Variants in NEGR1 observed in about 807,000 individuals in gnomAD.
NEGR1 encodes IgLON family member 4.
A neutral mutation model predicts 40.9 loss-of-function variants in NEGR1; 10 were observed. The ratio of observed to expected loss-of-function variants is 0.24; its 90% CI spans 0.15 to 0.42. The LOEUF (loss-of-function observed/expected upper bound fraction) is 0.42. Among genes scored for constraint, NEGR1 ranks in the 10% least tolerant of loss-of-function variants. NEGR1 has a pLI of 1.00. For missense variants in NEGR1, 352 were observed against 438.9 expected, an observed-to-expected ratio of 0.80 and a Z score of 1.77; for synonymous variants, 185 against 166.8, an observed-to-expected ratio of 1.11 and a Z score of -0.84.
intron 1 of NEGR1, among the ~76,000 whole-genome samples, chr1:72,105,037 T>G (rs897043709): frequency 6.6e-6 from 1 of 152,126 alleles, no homozygotes; most frequent in African/African-American, 2.4e-5. Context: ...GTTGGAAGAC[T>G]TTTTTCTGTA....
At chr1:72,274,727 G>T (rs1655979027) in intron 1 of NEGR1, 1 of 1,044,382 alleles carries the variant, frequency 9.6e-7, no homozygotes, top group Non-Finnish European at 1.5e-6. Flanking sequence ...AAAGTAATTG[G>T]AGTAAAATCG....
At chr1:72,030,031 G>GA (rs5775101) in intron 1 of NEGR1, among the ~76,000 whole-genome samples, 147,136 of 150,466 alleles carry the variant, frequency 0.98, 72,001 homozygotes, top group East Asian at 1. Context: ...AGTGAAATAT[G>GA]AAAAAAAAAA....
chr1:71,755,769 G>A (rs1336618853), intron 3 of NEGR1, among the ~76,000 whole-genome samples: 2 of 151,990 alleles, frequency 1.3e-5, no homozygotes, highest in Non-Finnish European at 2.9e-5. Context: ...TTCATATTAT[G>A]TCTCTTCTGG....
chr1:71,824,969 G>C (rs1179027207), intron 2 of NEGR1, among the ~76,000 whole-genome samples: 1 of 151,836 alleles, frequency 6.6e-6, no homozygotes, highest in Non-Finnish European at 1.5e-5. Flanking sequence ...TGTTATTCAT[G>C]TACAAGTTTT....
At chr1:71,450,401 C>A (rs773920671) in intron 6 of NEGR1, among the ~76,000 whole-genome samples, 1 of 152,132 alleles carries the variant, frequency 6.6e-6, no homozygotes, top group Non-Finnish European at 1.5e-5. Flanking sequence ...TCATTTAAAT[C>A]GTAAATACTA....
At chr1:71,913,265 C>T (rs981694528) in intron 2 of NEGR1, among the ~76,000 whole-genome samples, 1 of 152,084 alleles carries the variant, frequency 6.6e-6, no homozygotes, top group African/African-American at 2.4e-5. Context: ...CAGGCGCCTG[C>T]CACCACGCCC....
intron 1 of NEGR1, among the ~76,000 whole-genome samples, chr1:72,071,963 TCCAAA>T (rs1647480585): frequency 6.6e-6 from 1 of 152,132 alleles, no homozygotes; most frequent in Admixed American, 6.6e-5. Context: ...TTAGAAAAAG[TCCAAA>T]CTCCTCAGTT....
At chr1:71,896,629 C>G (rs1660981896) in intron 2 of NEGR1, among the ~76,000 whole-genome samples, 1 of 152,110 alleles carries the variant, frequency 6.6e-6, no homozygotes, top group East Asian at 1.9e-4. Context: ...AAGCTAAGGT[C>G]CTGAAGACAT....
intron 1 of NEGR1, among the ~76,000 whole-genome samples, chr1:71,942,996 ATGTGTG>A (rs58716136): frequency 2.2e-5 from 3 of 134,926 alleles, no homozygotes; most frequent in Admixed American, 7.8e-5. Context: ...GTGTATATAT[ATGTGTG>A]TGTATATATA....
intron 2 of NEGR1, among the ~76,000 whole-genome samples, chr1:71,896,559 T>A (rs1341559445): frequency 6.6e-6 from 1 of 152,176 alleles, no homozygotes; most frequent in Non-Finnish European, 1.5e-5. Flanking sequence ...TTAAGTTTAA[T>A]TTATCTATTT....
intron 2 of NEGR1, among the ~76,000 whole-genome samples, chr1:71,836,137 A>G (rs756285633): frequency 2.8e-4 from 42 of 151,814 alleles, no homozygotes; most frequent in Non-Finnish European, 4.6e-4. Context: ...AGTTAAACCC[A>G]AATAGACAAA....
At chr1:72,215,069 C>A (rs761526727) in intron 1 of NEGR1, among the ~76,000 whole-genome samples, 30 of 152,042 alleles carry the variant, frequency 2.0e-4, no homozygotes, top group Admixed American at 1.8e-3. Context: ...CACACATTTA[C>A]CACCAATTGA....
chr1:71,823,449 T>G (rs1658506330), intron 2 of NEGR1, among the ~76,000 whole-genome samples: 1 of 151,974 alleles, frequency 6.6e-6, no homozygotes, highest in South Asian at 2.1e-4. Flanking sequence ...GTAAATAAAC[T>G]TTTAATGTTT....
At chr1:72,282,096 T>G (rs1557613090) in intron 1 of NEGR1, among the ~76,000 whole-genome samples, 1 of 152,128 alleles carries the variant, frequency 6.6e-6, no homozygotes, top group Non-Finnish European at 1.5e-5. Flanking sequence ...TACTTGGCGT[T>G]CCGGCAAAGT....
intron 2 of NEGR1, among the ~76,000 whole-genome samples, chr1:71,857,492 G>A (rs1262134085): frequency 6.7e-6 from 1 of 149,442 alleles, no homozygotes; most frequent in Non-Finnish European, 1.5e-5. Context: ...GCTGGGCTTG[G>A]TGGCACACAC....
At position 71,984,110 on chromosome 1, in the gene NEGR1, T is replaced by C. The variant is rs188660426; in HGVS notation, c.177-48799A>G. On this transcript the variant is annotated intron_variant, in intron 1 of 6. Transcript: ENST00000357731. ...AAGTTTGTCATTTCAGTTATCTCTA[T>C]GCTATCCTTTGATTCATTATTTTTC... 1.9e-4 allele frequency among the ~76,000 whole-genome samples: 28 copies of C among 146,332 alleles called. 7 individuals are homozygous for C. In the East Asian group the frequency reaches 6.6e-3, roughly 35 times the overall value.
At chr1:72,280,033 T>C (rs572927205) in intron 1 of NEGR1, among the ~76,000 whole-genome samples, 1 of 152,306 alleles carries the variant, frequency 6.6e-6, no homozygotes, top group African/African-American at 2.4e-5. Flanking sequence ...GAAACATTAT[T>C]GAGAAGACAC....
chr1:71,508,547 A>C (rs764426818), intron 6 of NEGR1, among the ~76,000 whole-genome samples: 12 of 152,250 alleles, frequency 7.9e-5, no homozygotes, highest in Non-Finnish European at 1.5e-5. Context: ...ACCAAATGGT[A>C]GCATTCCAAA....
chr1:72,040,577 CAAAAAAAAAAAAAAAAAA>C (rs5775102), intron 1 of NEGR1, among the ~76,000 whole-genome samples: 2 of 29,684 alleles, frequency 6.7e-5, no homozygotes, highest in Non-Finnish European at 1.2e-4. Context: ...GAGCACTGAC[CAAAAAAAAAAAAAAAAAA>C]AAAAAAAAAA....
Sources: gnomAD v4.1 joint callset for allele counts (sites outside exome capture counted in the v4.1 genomes callset) on GRCh38, gnomAD v4.1.1 for gene constraint, MANE v1.5 for transcripts, NCBI Gene and HGNC (gene_info 2026-07-23, HGNC 2026-07-21) for gene names.